Variants in PLEKHG1 observed in about 807,000 individuals in gnomAD.
PLEKHG1 encodes the protein pleckstrin homology domain-containing family G member 1.
In PLEKHG1, 44 loss-of-function variants were observed where a neutral mutation model predicts 100.8. That is an observed-to-expected ratio of 0.44 (90% CI 0.34 to 0.56). PLEKHG1 has a LOEUF of 0.56. Ranked by LOEUF, PLEKHG1 falls within the 20% of genes least tolerant of loss-of-function variation. The pLI, the probability that PLEKHG1 is intolerant of heterozygous loss-of-function variation, is 0.01. For synonymous variants in PLEKHG1, 640 were observed against 662.5 expected (o/e 0.97, Z 0.52); for missense variants, 1,545 against 1,720.9 (o/e 0.90, Z 1.81).
chr6:150,669,288 A>G (rs1779505900), intron 3 of PLEKHG1, among the ~76,000 whole-genome samples: 3 of 152,102 alleles, frequency 2.0e-5, no homozygotes, highest in Admixed American at 2.0e-4. Context: ...AGTGAGGAGA[A>G]AAGATGACTT....
chr6:150,693,437 C>G (rs1025867044), intron 3 of PLEKHG1, among the ~76,000 whole-genome samples: 65 of 152,290 alleles, frequency 4.3e-4, no homozygotes, highest in African/African-American at 1.4e-3. Flanking sequence ...AAACAAAATC[C>G]ACAGCAGCTT....
chr6:150,736,046 T>C lies in PLEKHG1; in HGVS notation c.411+1954T>C, dbSNP rs1244087200. ...TTACACTAGGGGTTGGTGAGCTTTT[T>C]CTAGGCAGGGCCAGATAGTAAATAG... On this transcript the variant is annotated intron_variant, in intron 2 of 15. Transcript: ENST00000358517. Among the ~76,000 whole-genome samples, 5 of 152,228 alleles carry C rather than the reference T, an allele frequency of 3.3e-5. No homozygotes were observed. The East Asian group carries it at 9.6e-4, about 29-fold the overall frequency.
chr6:150,792,372 C>A (rs13214794), intron 4 of PLEKHG1, among the ~76,000 whole-genome samples: 110 of 135,062 alleles, frequency 8.1e-4, no homozygotes, highest in Middle Eastern at 5.1e-3. Context: ...AAAAAAAAAA[C>A]CAAAAAAACA....
chr6:150,608,241 A>G (rs1776683835), intron 1 of PLEKHG1, among the ~76,000 whole-genome samples: 1 of 152,158 alleles, frequency 6.6e-6, no homozygotes, highest in Non-Finnish European at 1.5e-5. Flanking sequence ...TTTAGAACTT[A>G]TCTGAAAATG....
intron 3 of PLEKHG1, among the ~76,000 whole-genome samples, chr6:150,773,064 TG>T (rs1275241475): frequency 3.3e-5 from 5 of 152,226 alleles, no homozygotes; most frequent in African/African-American, 1.2e-4. Context: ...TTTTGTGTTG[TG>T]TTTTTTTAAA....
intron 1 of PLEKHG1, among the ~76,000 whole-genome samples, chr6:150,624,461 A>G (rs535325873): frequency 2.1e-4 from 32 of 152,346 alleles, no homozygotes; most frequent in African/African-American, 7.7e-4. Context: ...GCACCTAGCA[A>G]TGTGACTGCT....
At position 150,831,162 on chromosome 6, in the gene PLEKHG1, C is replaced by G. The variant is rs1776902370; in HGVS notation, c.2051C>G (p.Ser684Cys). Residue 684 changes from serine (S) to cysteine (C), a missense_variant, in exon 15 of 16, where the codon TCT becomes TGT. Coordinates refer to ENST00000358517, the Ensembl canonical transcript of PLEKHG1. This position sits in a 1 kb window ranked among gnomAD's most constrained non-coding sequence, Gnocchi z 4.1. ...CGGGAAGAAGCTGAATCCACTCCCT[C>G]TAAATCAGCCAGGGACTCCGTTCGC... The G allele has an allele frequency of 2.5e-6, 4 of 1,613,926 alleles. No individual in the cohort carries two copies. The highest frequency in any genetic ancestry group is 1.7e-5 in the Admixed American group (1 of 59,998).
intron 1 of PLEKHG1, among the ~76,000 whole-genome samples, chr6:150,634,078 C>A (rs1472307938): frequency 6.7e-6 from 1 of 148,842 alleles, no homozygotes; most frequent in East Asian, 2.0e-4. Context: ...CCCGTCTCTA[C>A]TAACAACAAC....
intron 13 of PLEKHG1, among the ~76,000 whole-genome samples, chr6:150,822,548 TAAAG>T (rs1464994148): frequency 6.6e-6 from 1 of 152,218 alleles, no homozygotes; most frequent in African/African-American, 2.4e-5. Flanking sequence ...GAAATATACT[TAAAG>T]AAATTGTAAT....
intron 10 of PLEKHG1, among the ~76,000 whole-genome samples, chr6:150,811,665 G>T (rs1737909): frequency 6.6e-6 from 1 of 151,436 alleles, no homozygotes; most frequent in African/African-American, 2.4e-5. Flanking sequence ...GAATGTATGC[G>T]CTGTGTTCAG....
intron 1 of PLEKHG1, among the ~76,000 whole-genome samples, chr6:150,634,612 A>T (rs918535647): frequency 2.0e-5 from 3 of 152,264 alleles, no homozygotes; most frequent in Non-Finnish European, 4.4e-5. Context: ...TTCAACTGAA[A>T]GAAAAAATAG....
intron 2 of PLEKHG1, among the ~76,000 whole-genome samples, chr6:150,766,145 G>C (rs1050401024): frequency 6.6e-6 from 1 of 152,164 alleles, no homozygotes; most frequent in Admixed American, 6.5e-5. Flanking sequence ...ATGGTGAAAA[G>C]CCCTTTTTTG....
intron 3 of PLEKHG1, among the ~76,000 whole-genome samples, chr6:150,661,932 G>C (rs1443621538): frequency 6.6e-6 from 1 of 152,156 alleles, no homozygotes; most frequent in Non-Finnish European, 1.5e-5. Flanking sequence ...TGTGGCAAGA[G>C]CTTAGGTGGA....
intron 1 of PLEKHG1, among the ~76,000 whole-genome samples, chr6:150,611,514 T>A (rs1275256455): frequency 2.0e-5 from 3 of 152,134 alleles, no homozygotes; most frequent in Non-Finnish European, 4.4e-5. Flanking sequence ...GCCGTGCCTA[T>A]TAGAAAATAA....
chr6:150,716,254 A>C (rs1270779268), upstream of PLEKHG1, among the ~76,000 whole-genome samples: 1 of 152,138 alleles, frequency 6.6e-6, no homozygotes, highest in East Asian at 1.9e-4. Context: ...TCCATGAAAA[A>C]TGTTCCACAA....
chr6:150,809,816 C>CT, intron 10 of PLEKHG1, 82 bp downstream of exon 11: 2 of 1,002,650 alleles, frequency 2.0e-6, no homozygotes, highest in Non-Finnish European at 3.0e-6. Flanking sequence ...TTACTGTGAG[C>CT]CGAGATCACA....
upstream of PLEKHG1, among the ~76,000 whole-genome samples, chr6:150,716,102 C>T (rs1781426267): frequency 1.8e-5 from 1 of 56,552 alleles, no homozygotes; most frequent in Non-Finnish European, 3.7e-5. Flanking sequence ...AGCGAGACTC[C>T]GTCTCAAAAA....
intron 3 of PLEKHG1, among the ~76,000 whole-genome samples, chr6:150,714,492 G>A (rs998226673): frequency 6.6e-6 from 1 of 152,170 alleles, no homozygotes; most frequent in Admixed American, 6.5e-5. Context: ...AAAGGTATAC[G>A]ATGGAGATGT....
At position 150,778,235 on chromosome 6, in the gene PLEKHG1, C is replaced by T. The variant is rs112423724; in HGVS notation, c.513-8155C>T. On this transcript the variant is annotated intron_variant, in intron 3 of 15. Coordinates refer to ENST00000358517, the Ensembl canonical transcript of PLEKHG1. ...CTCCGCCTCCCAGGTTTAAGCAATC[C>T]TCCCTCCTCAACCTCCCAAGTAGCT... 4.5e-4 allele frequency among the ~76,000 whole-genome samples: 69 copies of T among 152,324 alleles called. 1 individual carries two copies. The highest frequency in any genetic ancestry group is 1.4e-3 in the African/African-American group (58 of 41,576).
Sources: allele counts gnomAD v4.1 joint callset (sites outside exome capture counted in the v4.1 genomes callset), GRCh38; gene constraint gnomAD v4.1.1; non-coding constraint Gnocchi (gnomAD v3.1); transcripts MANE v1.5; gene names NCBI Gene and HGNC (gene_info 2026-07-23, HGNC 2026-07-21).